The following SPATA6 variants were observed in gnomAD, a reference collection of about 807,000 sequenced individuals.
The protein encoded by SPATA6 is spermatogenesis associated 6.
In SPATA6, 56 loss-of-function variants were observed where a neutral mutation model predicts 65.3. That is an observed-to-expected ratio of 0.86 (90% confidence interval 0.69 to 1.07). The LOEUF is 1.07. Among genes scored for constraint, SPATA6 ranks in the 50% least tolerant of loss-of-function variants. The pLI is 0.00. For missense variants in SPATA6, 590 were observed against 594.8 expected, an observed-to-expected ratio of 0.99 and a Z score of 0.08; for synonymous variants, 199 against 213.2, an observed-to-expected ratio of 0.93 and a Z score of 0.58.
intron 3 of SPATA6, among the ~76,000 whole-genome samples, chr1:48,418,610 C>T (rs1653016689): frequency 6.7e-6 from 1 of 148,342 alleles, no homozygotes; most frequent in Non-Finnish European, 1.5e-5. Flanking sequence ...TGCCTGTGGT[C>T]CCAGATACTT....
intron 11 of SPATA6, among the ~76,000 whole-genome samples, chr1:48,311,584 C>T (rs1557540044): frequency 6.6e-6 from 1 of 151,916 alleles, no homozygotes; most frequent in Non-Finnish European, 1.5e-5. Context: ...ATTAAAAAAA[C>T]TTAGGGAGCC....
At chr1:48,316,580 T>G (rs1413733417) in intron 11 of SPATA6, among the ~76,000 whole-genome samples, 1 of 152,144 alleles carries the variant, frequency 6.6e-6, no homozygotes, top group African/African-American at 2.4e-5. Context: ...ATAAAAACCC[T>G]AGAAGAAAAC....
At chr1:48,386,058 T>G (rs1406250931) in intron 8 of SPATA6, among the ~76,000 whole-genome samples, 1 of 152,176 alleles carries the variant, frequency 6.6e-6, no homozygotes, top group Non-Finnish European at 1.5e-5. Flanking sequence ...AATTTCAAAT[T>G]CTGCCACTTA....
chr1:48,365,159 T>C (rs1276777354), intron 9 of SPATA6, among the ~76,000 whole-genome samples: 1 of 152,164 alleles, frequency 6.6e-6, no homozygotes, highest in East Asian at 1.9e-4. Flanking sequence ...TTGATCTATA[T>C]CTCTGTTTTG....
chr1:48,316,002 A>G (rs1273385128), intron 11 of SPATA6, among the ~76,000 whole-genome samples: 1 of 152,006 alleles, frequency 6.6e-6, no homozygotes, highest in Admixed American at 6.6e-5. Flanking sequence ...CTCTTCAAGG[A>G]GAACTACAAA....
intron 3 of SPATA6, among the ~76,000 whole-genome samples, chr1:48,445,216 A>G (rs902615065): frequency 6.6e-6 from 1 of 152,202 alleles, no homozygotes. Flanking sequence ...TATTTTATTT[A>G]AATGGGTTAT....
chr1:48,306,537 G>T (rs1489423785), intron 11 of SPATA6, among the ~76,000 whole-genome samples: 1 of 151,876 alleles, frequency 6.6e-6, no homozygotes, highest in Admixed American at 6.6e-5. Flanking sequence ...TCATATGTGT[G>T]GTAATGGTAT....
chr1:48,322,486 T>C lies in SPATA6; in HGVS notation c.1195-16608A>G, dbSNP rs148264993. 1.0e-3 allele frequency among the ~76,000 whole-genome samples: 153 copies of C among 152,180 alleles called. 1 individual carries two copies. The highest frequency in any genetic ancestry group is 3.6e-3 in the African/African-American group (149 of 41,522). ...AAACCCTAGAGGAAAACCTCAGCAA[T>C]ACCATTCAGGACATAGGCATGGGCA... is the stretch of plus-strand genomic sequence containing the variant. On this transcript the variant is annotated intron_variant, in intron 11 of 12. Coordinates refer to ENST00000371847, the MANE Select transcript of SPATA6 (RefSeq NM_019073.4).
At chr1:48,280,231 G>A in the SPATA6 span, among the ~76,000 whole-genome samples, 2 of 152,046 alleles carry the variant, frequency 1.3e-5, no homozygotes, top group Non-Finnish European at 2.9e-5. Flanking sequence ...GACAAAGCAG[G>A]AAAGATGCAA....
chr1:48,356,876 A>G (rs1202875025), intron 10 of SPATA6, among the ~76,000 whole-genome samples: 1 of 152,202 alleles, frequency 6.6e-6, no homozygotes, highest in East Asian at 1.9e-4. Context: ...AATCTACTTT[A>G]AAGAATGCAA....
chr1:48,272,562 C>T, the SPATA6 span, among the ~76,000 whole-genome samples: 4 of 152,024 alleles, frequency 2.6e-5, no homozygotes, highest in African/African-American at 9.7e-5. Context: ...TATATATATA[C>T]TACATTTTAT....
intron 12 of SPATA6, among the ~76,000 whole-genome samples, chr1:48,305,115 C>T (rs1275324125): frequency 1.3e-5 from 2 of 152,138 alleles, no homozygotes; most frequent in African/African-American, 4.8e-5. Flanking sequence ...GATGGTCTAG[C>T]CTAGCTTACG....
At chr1:48,368,990 G>C (rs948023161) in intron 9 of SPATA6, among the ~76,000 whole-genome samples, 1 of 152,162 alleles carries the variant, frequency 6.6e-6, no homozygotes, top group Non-Finnish European at 1.5e-5. Flanking sequence ...TGTCCTTTCT[G>C]TTTGTTAGTT....
chr1:48,376,944 C>T (rs753291055), intron 9 of SPATA6, among the ~76,000 whole-genome samples: 32 of 152,242 alleles, frequency 2.1e-4, no homozygotes, highest in Admixed American at 4.6e-4. Context: ...TCTTACAAAA[C>T]GACTGCCATA....
chr1:48,329,033 C>G (rs983555636), intron 11 of SPATA6, among the ~76,000 whole-genome samples: 1 of 152,050 alleles, frequency 6.6e-6, no homozygotes, highest in Admixed American at 6.5e-5. Context: ...ATTACAAAGA[C>G]TGACTATATG....
the SPATA6 span, among the ~76,000 whole-genome samples, chr1:48,276,760 C>G: frequency 6.6e-6 from 1 of 152,242 alleles, no homozygotes; most frequent in Non-Finnish European, 1.5e-5. Context: ...ATTATGTGGT[C>G]AATTTTAGAA....
intron 1 of SPATA6, among the ~76,000 whole-genome samples, chr1:48,454,384 C>G (rs1389702790): frequency 6.6e-6 from 1 of 152,118 alleles, no homozygotes; most frequent in Non-Finnish European, 1.5e-5. Flanking sequence ...TAACTCCTTA[C>G]TACTCCATTC....
At chr1:48,395,462 G>C in intron 7 of SPATA6, 108 bp from the exon 8 acceptor site, 1 of 589,324 alleles carries the variant, frequency 1.7e-6, no homozygotes, top group Non-Finnish European at 2.6e-6. Flanking sequence ...TATAATCAGG[G>C]AAACATGATG....
At chr1:48,307,193 A>G (rs1302097976) in intron 11 of SPATA6, among the ~76,000 whole-genome samples, 1 of 151,540 alleles carries the variant, frequency 6.6e-6, no homozygotes, top group Non-Finnish European at 1.5e-5. Flanking sequence ...TAAAGGGAGT[A>G]AAAATACAAC....
Sources: allele counts gnomAD v4.1 joint callset (sites outside exome capture counted in the v4.1 genomes callset), GRCh38; gene constraint gnomAD v4.1.1; transcripts MANE v1.5; gene names NCBI Gene and HGNC (gene_info 2026-07-23, HGNC 2026-07-21).